Variants in KATNAL1 observed in about 807,000 individuals in gnomAD.
The protein encoded by KATNAL1 is katanin catalytic subunit A1 like 1.
In KATNAL1, 32 loss-of-function variants were observed where a neutral mutation model predicts 55.2. That is an observed-to-expected ratio of 0.58 (90% CI 0.44 to 0.78). KATNAL1 has a LOEUF of 0.78. KATNAL1 is among the 30% of genes least tolerant of loss of function. The pLI is 0.00. For missense variants in KATNAL1, 466 were observed against 600.9 expected (o/e 0.78, Z 2.35); for synonymous variants, 193 against 193.6 (o/e 1.00, Z 0.02).
At chr13:30,220,570 G>A (rs568647452) in intron 9 of KATNAL1, among the ~76,000 whole-genome samples, 44 of 152,296 alleles carry the variant, frequency 2.9e-4, no homozygotes, top group African/African-American at 8.2e-4. Context: ...GTATGAGCCA[G>A]GTATTAAGGA....
In KATNAL1 at chr13:30,205,915, C is replaced by T. The variant is rs1873093717; in HGVS notation, c.*2625G>A. ...CATTCTGGGTAAGGCAACACACTGT[C>T]TTCTGAAATAGTGTGTGTGTGTGTG... On this transcript the variant is annotated 3_prime_UTR_variant, in exon 11 of 11. Transcript: ENST00000380615. The T allele has an allele frequency of 8.1e-6, 1 of 123,040 alleles. No homozygotes were observed. Among genetic ancestry groups the T allele is most frequent in the Non-Finnish European group, 1.7e-5 (1 of 58,600 alleles). 7.6% of individuals were successfully genotyped at this position (123,040 alleles called of 1,614,324 possible). A position where few individuals can be genotyped will look rare whatever the true frequency, so the allele number is the denominator to read the frequency against.
intron 2 of KATNAL1, among the ~76,000 whole-genome samples, chr13:30,280,907 A>G (rs1881232008): frequency 6.6e-6 from 1 of 152,096 alleles, no homozygotes; most frequent in Non-Finnish European, 1.5e-5. Flanking sequence ...AATTTTCCAA[A>G]GCAAACAGAT....
In KATNAL1 at chr13:30,206,576, CA is replaced by C. The variant is rs956701484; in HGVS notation, c.*1963del. 3.3e-5 allele frequency: 5 copies of C among 151,910 alleles called. No individual in the cohort carries two copies. The highest frequency in any genetic ancestry group is 7.4e-5 in the Non-Finnish European group (5 of 67,976). 9.4% of individuals were successfully genotyped at this position (151,910 alleles called of 1,614,324 possible). On this transcript the variant is annotated 3_prime_UTR_variant, in exon 11 of 11. Transcript: ENST00000380615. ...ATAATTAAATGCACACCAAGATAAT[CA>C]ATACAAAACCCAGAAAAGGTCTAAC...
rs1883246783 is a variant in KATNAL1, at chr13:30,307,337, G to A, written c.-21C>T. On this transcript the variant is annotated 5_prime_UTR_variant, in exon 1 of 11. Transcript: ENST00000380615. ...TTTCTCTCGGATTCATTACCCAGAA[G>A]GCGCAGGTCCGGGCACATTCAGCGA... is the stretch of plus-strand genomic sequence containing the variant. The A allele has an allele frequency of 1.3e-5, 2 of 153,364 alleles. No homozygotes were observed. The highest frequency in any genetic ancestry group is 2.9e-5 in the Non-Finnish European group (2 of 68,382). The allele number at this position is 153,364 out of a possible 1,614,324, so 9.5% of individuals were successfully genotyped here.
chr13:30,280,659 C>T (rs770023413), intron 2 of KATNAL1, among the ~76,000 whole-genome samples: 4 of 152,050 alleles, frequency 2.6e-5, no homozygotes, highest in Non-Finnish European at 5.9e-5. Flanking sequence ...ATATAAAACG[C>T]CTGTCATGAG....
chr13:30,266,463 A>G (rs1879791371), intron 3 of KATNAL1, among the ~76,000 whole-genome samples: 1 of 152,200 alleles, frequency 6.6e-6, no homozygotes, highest in Admixed American at 6.5e-5. Flanking sequence ...ACTTTTATAA[A>G]CATAATAAAT....
chr13:30,245,839 A>T (rs952865478), intron 4 of KATNAL1, among the ~76,000 whole-genome samples: 9 of 152,152 alleles, frequency 5.9e-5, no homozygotes, highest in African/African-American at 2.2e-4. Flanking sequence ...ACAACTTACA[A>T]GGGATGTGTA....
chr13:30,251,067 G>A lies in KATNAL1; in HGVS notation c.492+4380C>T, dbSNP rs1878249893. Among the ~76,000 whole-genome samples the A allele has an allele frequency of 2.0e-5, 3 of 150,844 alleles. No individual in the cohort carries two copies. In the South Asian group the frequency reaches 6.3e-4, roughly 32 times the overall value. Reference sequence around the variant, plus strand: ...GCAGGAGAATGGTGTGAACCCAGGAGGCAGAGCTTGCAGCGAGCCGAGATC... The same window carrying A: ...GCAGGAGAATGGTGTGAACCCAGGAAGCAGAGCTTGCAGCGAGCCGAGATC... On this transcript the variant is annotated intron_variant, in intron 4 of 10. Transcript: ENST00000380615.
chr13:30,226,375 T>C (rs1205178313), intron 9 of KATNAL1, among the ~76,000 whole-genome samples: 1 of 152,146 alleles, frequency 6.6e-6, no homozygotes, highest in African/African-American at 2.4e-5. Flanking sequence ...ATAACTTAAA[T>C]ACCAATCAAA....
Position 30,255,476 on chromosome 13 carries a change from C to A in KATNAL1, c.463G>T (p.Asp155Tyr). 1 of 1,593,040 alleles carries A rather than the reference C, an allele frequency of 6.3e-7. No homozygotes were observed. The highest frequency in any genetic ancestry group is 1.1e-5 in the South Asian group (1 of 88,780). ...TCATCTCTCCCTCTTGCTCTATAGT[C>A]CTTGTCCCTACTTGTAGAAGGCTTT... ...SEKPSTSRDK[D>Y]YRARGRDDKG... Residue 155 changes from aspartate (D) to tyrosine (Y), a missense_variant, in exon 4 of 11, where the codon GAC becomes TAC. Coordinates refer to ENST00000380615, the MANE Select transcript of KATNAL1 (RefSeq NM_032116.5).
chr13:30,288,638 G>C (rs767640349), intron 1 of KATNAL1, among the ~76,000 whole-genome samples: 7 of 152,122 alleles, frequency 4.6e-5, no homozygotes, highest in Non-Finnish European at 1.0e-4. Flanking sequence ...AAATACTATT[G>C]AGTCTGCATC....
At chr13:30,293,456 C>T (rs1436843069) in intron 1 of KATNAL1, among the ~76,000 whole-genome samples, 1 of 152,162 alleles carries the variant, frequency 6.6e-6, no homozygotes, top group African/African-American at 2.4e-5. Flanking sequence ...CTTCATCCCT[C>T]CCAGTCAGTA....
At chr13:30,293,226 CCA>C (rs1298584221) in intron 1 of KATNAL1, among the ~76,000 whole-genome samples, 1 of 151,924 alleles carries the variant, frequency 6.6e-6, no homozygotes, top group Non-Finnish European at 1.5e-5. Flanking sequence ...CTCCTTTTTT[CCA>C]CCTCTCTGTC....
intron 3 of KATNAL1, among the ~76,000 whole-genome samples, chr13:30,262,991 T>G (rs1397291659): frequency 6.6e-6 from 1 of 152,144 alleles, no homozygotes; most frequent in Non-Finnish European, 1.5e-5. Flanking sequence ...GCAAACCGAA[T>G]CCAGCAGTAC....
At chr13:30,286,720 C>T (rs969841278) in intron 1 of KATNAL1, among the ~76,000 whole-genome samples, 2 of 152,180 alleles carry the variant, frequency 1.3e-5, no homozygotes, top group African/African-American at 4.8e-5. Context: ...GGTAGATCCA[C>T]TGACAGCTTG....
At chr13:30,211,381 C>A (rs889835599) in intron 9 of KATNAL1, among the ~76,000 whole-genome samples, 7 of 152,186 alleles carry the variant, frequency 4.6e-5, no homozygotes, top group African/African-American at 1.7e-4. Flanking sequence ...CTTAAATTCC[C>A]CAGCATGTAT....
intron 5 of KATNAL1, 76 bp from the exon 6 acceptor site, chr13:30,240,641 T>A (rs965989582): frequency 1.0e-6 from 1 of 978,694 alleles, no homozygotes; most frequent in Non-Finnish European, 1.5e-6. Context: ...TTCTTTTAAT[T>A]TTTTTTTACT....
At chr13:30,222,782 A>ACTAAATACTC (rs919148069) in intron 9 of KATNAL1, among the ~76,000 whole-genome samples, 14 of 152,300 alleles carry the variant, frequency 9.2e-5, no homozygotes, top group Middle Eastern at 6.8e-3. Context: ...ATTTAAATGG[A>ACTAAATACTC]CTAAATACTC....
At chr13:30,225,528 C>A (rs1302427845) in intron 9 of KATNAL1, among the ~76,000 whole-genome samples, 2 of 151,868 alleles carry the variant, frequency 1.3e-5, no homozygotes, top group Non-Finnish European at 2.9e-5. Flanking sequence ...GAAATAGACC[C>A]ACACATACAC....
Sources: gnomAD v4.1 joint callset for allele counts (sites outside exome capture counted in the v4.1 genomes callset) on GRCh38, gnomAD v4.1.1 for gene constraint, MANE v1.5 for transcripts, NCBI Gene and HGNC (gene_info 2026-07-23, HGNC 2026-07-21) for gene names.